Variants in AP4S1 observed in about 807,000 individuals in gnomAD.
AP4S1 encodes adaptor related protein complex 4 subunit sigma 1.
A neutral mutation model predicts 19.8 loss-of-function variants in AP4S1; 23 were observed. The ratio of observed to expected loss-of-function variants is 1.16; its 90% CI spans 0.84 to 1.65. The LOEUF (loss-of-function observed/expected upper bound fraction) is 1.65, where lower values mean the gene tolerates loss of function less well. AP4S1 is among the 40% of genes most tolerant of loss of function. AP4S1 has a pLI of 0.00. For missense variants in AP4S1, 166 were observed against 172.8 expected (o/e 0.96, Z 0.22); for synonymous variants, 46 against 54.1 (o/e 0.85, Z 0.66).
At chr14:31,070,362 A>T (rs1212867940) in intron 3 of AP4S1, among the ~76,000 whole-genome samples, 2 of 152,130 alleles carry the variant, frequency 1.3e-5, no homozygotes, top group Non-Finnish European at 2.9e-5. Context: ...CATCTCAGCC[A>T]CCTGACTAGC....
chr14:31,060,429 C>A, intron 1 of AP4S1, among the ~76,000 whole-genome samples: 1 of 152,182 alleles, frequency 6.6e-6, no homozygotes, highest in Non-Finnish European at 1.5e-5. Flanking sequence ...AGACCAGCGC[C>A]TTTGCTAAGT....
chr14:31,037,155 G>T (rs911094231), intron 1 of AP4S1, among the ~76,000 whole-genome samples: 1 of 151,804 alleles, frequency 6.6e-6, no homozygotes, highest in Non-Finnish European at 1.5e-5. Flanking sequence ...GACATGCCTT[G>T]CCTTACACAC....
At chr14:31,037,950 TCAAAA>T (rs1346706842) in intron 1 of AP4S1, among the ~76,000 whole-genome samples, 5 of 152,216 alleles carry the variant, frequency 3.3e-5, no homozygotes, top group Non-Finnish European at 7.3e-5. Flanking sequence ...AGACCCTGTC[TCAAAA>T]CAAAACAAAG....
intron 2 of AP4S1, among the ~76,000 whole-genome samples, chr14:31,068,750 A>G (rs1040038969): frequency 1.3e-5 from 2 of 152,226 alleles, no homozygotes; most frequent in Non-Finnish European, 2.9e-5. Flanking sequence ...GGCTTTTGGC[A>G]TAATCAGGCA....
chr14:31,088,641 C>A (rs954630562), intron 5 of AP4S1, among the ~76,000 whole-genome samples: 1 of 151,908 alleles, frequency 6.6e-6, no homozygotes, highest in East Asian at 1.9e-4. Context: ...AACCTCACTT[C>A]TACTAAAAAT....
intron 5 of AP4S1, 23 bp downstream of exon 5, chr14:31,080,607 T>C (rs1389189359): frequency 1.2e-6 from 2 of 1,613,754 alleles, no homozygotes; most frequent in Non-Finnish European, 1.7e-6. Context: ...AATACTGTTT[T>C]CCACAGTACT....
intron 1 of AP4S1, among the ~76,000 whole-genome samples, chr14:31,034,461 CT>C (rs563916891): frequency 6.6e-6 from 1 of 151,836 alleles, no homozygotes. Flanking sequence ...TGTGCATAGA[CT>C]TTTTTTGGGG....
intron 1 of AP4S1, chr14:31,026,499 G>A (rs758801621): frequency 1.6e-5 from 5 of 311,566 alleles, no homozygotes; most frequent in Non-Finnish European, 2.9e-5. Flanking sequence ...GGTAGCGAAC[G>A]CAGCCTCACG....
Position 31,095,281 on chromosome 14 carries a change from C to G in AP4S1, c.*2246C>G, listed in dbSNP as rs1161400354. 6.6e-6 allele frequency: 1 copy of G among 152,164 alleles called. No individual in the cohort carries two copies. Among genetic ancestry groups the G allele is most frequent in the Non-Finnish European group, 1.5e-5 (1 of 68,030 alleles). The allele number at this position is 152,164 out of a possible 1,614,324, so 9.4% of individuals were successfully genotyped here. On this transcript the variant is annotated 3_prime_UTR_variant, in exon 6 of 6. Transcript: ENST00000542754. Reference sequence around the variant, plus strand: ...AATTTTATTTGCCAGTTTGTAAAAGCCTTTGATACTCATTTTAAGGGCACT... The same window carrying G: ...AATTTTATTTGCCAGTTTGTAAAAGGCTTTGATACTCATTTTAAGGGCACT...
At chr14:31,067,516 ATT>A (rs1243393448) in intron 2 of AP4S1, among the ~76,000 whole-genome samples, 13 of 127,178 alleles carry the variant, frequency 1.0e-4, no homozygotes, top group Non-Finnish European at 8.2e-5. Context: ...AGTGAGAACA[ATT>A]TTTTTTTTTT....
chr14:31,026,359 A>C (rs1412861404), intron 1 of AP4S1: 1 of 407,118 alleles, frequency 2.5e-6, no homozygotes, highest in Non-Finnish European at 3.8e-6. Context: ...GGCTGCCGCC[A>C]TTACAATCCC....
At chr14:31,035,213 T>TTTTTG (rs1884660089) in intron 1 of AP4S1, among the ~76,000 whole-genome samples, 1 of 148,286 alleles carries the variant, frequency 6.7e-6, no homozygotes, top group African/African-American at 2.5e-5. Context: ...TTTTTTTTTT[T>TTTTTG]GAGATGGAGT....
chr14:31,095,718 C>T lies in AP4S1; in HGVS notation c.*2683C>T, dbSNP rs1485272431. The T allele has an allele frequency of 1.3e-5, 2 of 152,198 alleles. No individual in the cohort carries two copies. Among genetic ancestry groups the T allele is most frequent in the African/African-American group, 4.8e-5 (2 of 41,454 alleles). The allele number at this position is 152,198 out of a possible 1,614,324, so 9.4% of individuals were successfully genotyped here. ...ACAGGCCTGAGCCACTGTGCCCAGT[C>T]TTTTTATGCCACATTTTAAAAGGTT... On this transcript the variant is annotated 3_prime_UTR_variant, in exon 6 of 6. Transcript: ENST00000542754.
chr14:31,090,795 T>C (rs1465204767), intron 5 of AP4S1, among the ~76,000 whole-genome samples: 1 of 152,264 alleles, frequency 6.6e-6, no homozygotes, highest in Non-Finnish European at 1.5e-5. Flanking sequence ...TGGATTCTTA[T>C]TTTAAAAGAG....
rs553338461 is a variant in AP4S1, at chr14:31,065,466, T to TA, written c.-71-655dup. On this transcript the variant is annotated intron_variant, in intron 1 of 5. Coordinates refer to ENST00000542754, the MANE Select transcript of AP4S1 (RefSeq NM_001128126.3). ...ACCTACCTAGCACCTTTGCTAGATG[T>TA]AAAAATCAGAAGATCAGAAGTCCTT... is the stretch of plus-strand genomic sequence containing the variant. Among the ~76,000 whole-genome samples, 14 of 142,878 alleles carry TA rather than the reference T, an allele frequency of 9.8e-5. No individual in the cohort carries two copies. In the South Asian group the frequency reaches 2.8e-3, roughly 29 times the overall value. 93.7% of individuals were successfully genotyped at this position (142,878 alleles called of 152,430 possible). A position where few individuals can be genotyped will look rare whatever the true frequency, so the allele number is the denominator to read the frequency against.
chr14:31,034,878 T>A (rs891729772), intron 1 of AP4S1, among the ~76,000 whole-genome samples: 6 of 150,154 alleles, frequency 4.0e-5, no homozygotes, highest in Admixed American at 4.0e-4. Flanking sequence ...CCACCTGCCT[T>A]GGCCTCCCAA....
chr14:31,047,660 G>T lies in AP4S1; in HGVS notation c.-71-18466G>T, dbSNP rs149658974. Among the ~76,000 whole-genome samples, 4 of 152,190 alleles carry T rather than the reference G, an allele frequency of 2.6e-5. 1 individual carries two copies. The highest frequency in any genetic ancestry group is 9.6e-5 in the African/African-American group (4 of 41,546). ...TTCGCCCGCCTCAGCCTCCCAAAGC[G>T]CTGGGACTACAGGCGTGAGCCACCG... On this transcript the variant is annotated intron_variant, in intron 1 of 5. Transcript: ENST00000542754.
At chr14:31,026,381 C>T (rs537030016) in intron 1 of AP4S1, 2 of 460,214 alleles carry the variant, frequency 4.3e-6, no homozygotes, top group Non-Finnish European at 7.4e-6. Context: ...CCTCCATCTG[C>T]CCGTCTCACT....
chr14:31,034,682 G>A (rs966804865), intron 1 of AP4S1, among the ~76,000 whole-genome samples: 11 of 146,640 alleles, frequency 7.5e-5, no homozygotes, highest in Non-Finnish European at 1.5e-4. Flanking sequence ...CAGTGGTGTG[G>A]TCTCGGCTCA....
Sources: gnomAD v4.1 joint callset for allele counts (sites outside exome capture counted in the v4.1 genomes callset) on GRCh38, gnomAD v4.1.1 for gene constraint, MANE v1.5 for transcripts, NCBI Gene and HGNC (gene_info 2026-07-23, HGNC 2026-07-21) for gene names.